The following PLCG1 variants were observed in gnomAD, a reference collection of about 807,000 sequenced individuals.
PLCG1 encodes the protein 1-phosphatidylinositol 4,5-bisphosphate phosphodiesterase gamma-1.
Under a neutral mutation model 177.8 loss-of-function variants are expected in PLCG1, and 71 were observed. That is an observed-to-expected ratio of 0.40 (90% confidence interval 0.33 to 0.49). The LOEUF (loss-of-function observed/expected upper bound fraction) is 0.49, where lower values mean the gene tolerates loss of function less well. Ranked by LOEUF, PLCG1 falls within the 20% of genes least tolerant of loss-of-function variation. PLCG1 has a pLI of 0.72. For synonymous variants in PLCG1, 658 were observed against 647.9 expected (o/e 1.02, Z -0.24); for missense variants, 1,281 against 1,709.0 (o/e 0.75, Z 4.42).
rs899704608 is a variant in PLCG1, at chr20:41,147,479, C to T, written c.217+9621C>T. On this transcript the variant is annotated intron_variant, in intron 1 of 31. Transcript: ENST00000685551. This position sits in a 1 kb window ranked among gnomAD's most constrained non-coding sequence, Gnocchi z 4.0. ...AAGCAGCTGTCCTAAGCAGGTAAAACGATAGGTTATTCAACTTCAACTTCA... is the reference window on the plus strand; with the variant it reads ...AAGCAGCTGTCCTAAGCAGGTAAAATGATAGGTTATTCAACTTCAACTTCA... Among the ~76,000 whole-genome samples the T allele has an allele frequency of 2.0e-5, 3 of 152,204 alleles. No individual in the cohort carries two copies. Among genetic ancestry groups the T allele is most frequent in the Non-Finnish European group, 2.9e-5 (2 of 68,036 alleles).
chr20:41,168,237 G>C (rs1213623560), intron 20 of PLCG1, among the ~76,000 whole-genome samples: 2 of 152,154 alleles, frequency 1.3e-5, no homozygotes, highest in African/African-American at 4.8e-5. Flanking sequence ...CTCATTCCCC[G>C]GCCTCATGGA....
At position 41,174,433 on chromosome 20, in the gene PLCG1, C is replaced by T. The variant is rs369596707; in HGVS notation, c.3834-34C>T. On this transcript the variant is annotated intron_variant, in intron 31 of 31. Coordinates refer to ENST00000685551, the MANE Select transcript of PLCG1 (RefSeq NM_002660.3). This position sits in a 1 kb window ranked among gnomAD's most constrained non-coding sequence, Gnocchi z 5.8. ...TCTGGCATTGGGCTGCAAGGCCCTG[C>T]CTGCCAGTAAGGACACTCTTCCCTT... The T allele has an allele frequency of 2.3e-5, 36 of 1,591,824 alleles. No homozygotes were observed. The highest frequency in any genetic ancestry group is 1.7e-4 in the Middle Eastern group (1 of 6,052).
Position 41,166,486 on chromosome 20 carries a change from G to T in PLCG1, c.2011G>T (p.Ala671Ser), listed in dbSNP as rs367912334. 3.1e-6 allele frequency: 5 copies of T among 1,614,060 alleles called. No individual in the cohort carries two copies. The highest frequency in any genetic ancestry group is 1.6e-4 in the Middle Eastern group (1 of 6,062). ...TCTGCCTGTTCTCAGGTGGTACCAC[G>T]CGAGCCTGACCAGAGCACAGGCTGA... Reference protein sequence around the residue: ...NAHESKEWYHASLTRAQAEHM... With the variant: ...NAHESKEWYHSSLTRAQAEHM... Residue 671 changes from alanine (A) to serine (S), a missense_variant, in exon 18 of 32, where the codon GCG becomes TCG. Physicochemically the swap from Ala to Ser is moderately conservative, Grantham distance 99. Coordinates refer to ENST00000685551, the MANE Select transcript of PLCG1 (RefSeq NM_002660.3). The surrounding 1 kb of genome is among the most constrained non-coding windows in gnomAD (Gnocchi z 8.6).
In PLCG1 at chr20:41,165,108, TG is replaced by T; in HGVS notation, c.1386+9del. On this transcript the variant is annotated splice_region_variant and intron_variant, in intron 13 of 31. Transcript: ENST00000685551. The surrounding 1 kb of genome is among the most constrained non-coding windows in gnomAD (Gnocchi z 6.6). Reference sequence around the variant, plus strand: ...GAGGAAGATCCTCATCAAGGTGGGGTGGCGGGCTTATTGCGGAAGCCCCACA... The same window carrying T: ...GAGGAAGATCCTCATCAAGGTGGGGTGCGGGCTTATTGCGGAAGCCCCACA... The T allele has an allele frequency of 6.2e-7, 1 of 1,610,438 alleles. No homozygotes were observed. Among genetic ancestry groups the T allele is most frequent in the Non-Finnish European group, 8.5e-7 (1 of 1,177,492 alleles).
chr20:41,170,452 G>A (rs2035861571), intron 24 of PLCG1, 183 bp downstream of exon 24: 2 of 626,066 alleles, frequency 3.2e-6, no homozygotes, highest in East Asian at 2.8e-5. Flanking sequence ...GCAATGTGGT[G>A]TGTTTAGGTT....
In PLCG1 at chr20:41,169,088, G is replaced by A. The variant is rs770356603; in HGVS notation, c.2493G>A (p.Gly831=). 1 of 1,613,552 alleles carries A rather than the reference G, an allele frequency of 6.2e-7. No homozygotes were observed. ...CCTGTGGCTCCCACAGGTGGCGAGG[G>A]GACTACGGAGGGAAGAAGCAGCTGT... ...VEKQEGGWWR[G]DYGGKKQLWF... Residue 831 remains glycine, a synonymous_variant, in exon 22 of 32, where the codon GGG becomes GGA. Transcript: ENST00000685551.
At chr20:41,162,907 C>T in intron 6 of PLCG1, 51 bp from the exon 7 acceptor site, 4 of 1,572,734 alleles carry the variant, frequency 2.5e-6, no homozygotes, top group Non-Finnish European at 3.5e-6. Flanking sequence ...TAGCCCATTT[C>T]CCACATGGCC....
rs1040229567 is a variant in PLCG1, at chr20:41,146,888, C to G, written c.217+9030C>G. Among the ~76,000 whole-genome samples the G allele has an allele frequency of 6.6e-6, 1 of 152,140 alleles. No homozygotes were observed. Among genetic ancestry groups the G allele is most frequent in the Non-Finnish European group, 1.5e-5 (1 of 68,024 alleles). On this transcript the variant is annotated intron_variant, in intron 1 of 31. Transcript: ENST00000685551. The surrounding 1 kb of genome is among the most constrained non-coding windows in gnomAD (Gnocchi z 6.3). ...GTGTGGGCCTGAGTTCACAGGGTGACTAACCCTAGGAAGGAGTGAAGGAGA... is the reference window on the plus strand; with the variant it reads ...GTGTGGGCCTGAGTTCACAGGGTGAGTAACCCTAGGAAGGAGTGAAGGAGA...
chr20:41,173,159 T>G lies in PLCG1; in HGVS notation c.3280-261T>G, dbSNP rs754618533. Among the ~76,000 whole-genome samples the G allele has an allele frequency of 4.6e-5, 7 of 152,182 alleles. No individual in the cohort carries two copies. The highest frequency in any genetic ancestry group is 1.0e-4 in the Non-Finnish European group (7 of 68,030). ...CATTTAAAAGATTTCTGTGTTAAAA[T>G]AGTAATGGATTTAACATGAAGTAGA... On this transcript the variant is annotated intron_variant, in intron 27 of 31. Coordinates refer to ENST00000685551, the MANE Select transcript of PLCG1 (RefSeq NM_002660.3). This position sits in a 1 kb window ranked among gnomAD's most constrained non-coding sequence, Gnocchi z 6.2.
chr20:41,140,595 C>T (rs1335580885), intron 1 of PLCG1, among the ~76,000 whole-genome samples: 1 of 152,156 alleles, frequency 6.6e-6, no homozygotes, highest in Admixed American at 6.5e-5. Context: ...TGCCCTGACT[C>T]TGTGCCCTCT....
chr20:41,165,184 T>G lies in PLCG1; in HGVS notation c.1387-61T>G. Reference sequence around the variant, plus strand: ...TGGCTTCAGCTGTTGGGCCTAAACCTGGGTGAGGAGGTGGGGTGAGGACTG... The same window carrying G: ...TGGCTTCAGCTGTTGGGCCTAAACCGGGGTGAGGAGGTGGGGTGAGGACTG... On this transcript the variant is annotated intron_variant, in intron 13 of 31. Transcript: ENST00000685551. The surrounding 1 kb of genome is among the most constrained non-coding windows in gnomAD (Gnocchi z 6.6). The G allele has an allele frequency of 1.9e-6, 3 of 1,606,998 alleles. No individual in the cohort carries two copies. In the South Asian group the frequency reaches 3.3e-5, roughly 18 times the overall value.
intron 1 of PLCG1, among the ~76,000 whole-genome samples, chr20:41,139,128 TG>T (rs1222975893): frequency 6.6e-6 from 1 of 152,114 alleles, no homozygotes; most frequent in Non-Finnish European, 1.5e-5. Context: ...GGTCTTGTGG[TG>T]AGGCAGCCAA....
At position 41,166,979 on chromosome 20, in the gene PLCG1, C is replaced by T. The variant is rs1197710398; in HGVS notation, c.2301+120C>T. 3.2e-6 allele frequency: 3 copies of T among 927,436 alleles called. No homozygotes were observed. The East Asian group carries it at 7.3e-5, about 23-fold the overall frequency. The allele number at this position is 927,436 out of a possible 1,614,324, so 57.5% of individuals were successfully genotyped here. A position where few individuals can be genotyped will look rare whatever the true frequency, so the allele number is the denominator to read the frequency against. On this transcript the variant is annotated intron_variant, in intron 19 of 31. Coordinates refer to ENST00000685551, the MANE Select transcript of PLCG1 (RefSeq NM_002660.3). This position sits in a 1 kb window ranked among gnomAD's most constrained non-coding sequence, Gnocchi z 8.6. ...GTGTTGTAGAAGTTCGTGGGAGGGCCCCTGACTCCAGCTGGGAGCCACAGT... is the reference window on the plus strand; with the variant it reads ...GTGTTGTAGAAGTTCGTGGGAGGGCTCCTGACTCCAGCTGGGAGCCACAGT...
rs181155414 is a variant in PLCG1 at position 41,146,831 on chromosome 20, C to T, written c.217+8973C>T. On this transcript the variant is annotated intron_variant, in intron 1 of 31. Coordinates refer to ENST00000685551, the MANE Select transcript of PLCG1 (RefSeq NM_002660.3). This position sits in a 1 kb window ranked among gnomAD's most constrained non-coding sequence, Gnocchi z 6.3. ...TGGATGTGTGGTGGGAGAATTCCAA[C>T]CCCACCTTGACTTCAGCCTAAGGCC... is the stretch of plus-strand genomic sequence containing the variant. Among the ~76,000 whole-genome samples the T allele has an allele frequency of 2.0e-5, 3 of 152,196 alleles. No homozygotes were observed. Among genetic ancestry groups the T allele is most frequent in the Non-Finnish European group, 4.4e-5 (3 of 67,996 alleles).
chr20:41,158,265 G>A (rs993985780), intron 1 of PLCG1, among the ~76,000 whole-genome samples: 2 of 152,144 alleles, frequency 1.3e-5, no homozygotes, highest in African/African-American at 2.4e-5. Flanking sequence ...GGGCTGGAAG[G>A]GCTCCTGGGG....
rs1318861304 is a variant in PLCG1, at chr20:41,177,079, C to G, written c.*2570C>G. The G allele has an allele frequency of 6.6e-6, 1 of 152,220 alleles. No individual in the cohort carries two copies. The highest frequency in any genetic ancestry group is 1.5e-5 in the Non-Finnish European group (1 of 68,052). The allele number at this position is 152,220 out of a possible 1,614,324, so 9.4% of individuals were successfully genotyped here. A position where few individuals can be genotyped will look rare whatever the true frequency, so the allele number is the denominator to read the frequency against. On this transcript the variant is annotated 3_prime_UTR_variant, in exon 32 of 32. Transcript: ENST00000685551. Reference sequence around the variant, plus strand: ...TTGAAAAACCCTGATTTTGGCAGCACAAACCAAAAGAGCAGGCAGGGCCGG... The same window carrying G: ...TTGAAAAACCCTGATTTTGGCAGCAGAAACCAAAAGAGCAGGCAGGGCCGG...
intron 1 of PLCG1, among the ~76,000 whole-genome samples, chr20:41,158,201 G>GAGGAAGA (rs1430703844): frequency 7.9e-5 from 12 of 152,134 alleles, no homozygotes; most frequent in Non-Finnish European, 1.3e-4. Context: ...CAGGAAGAGA[G>GAGGAAGA]CATCTGGGGG....
intron 21 of PLCG1, 81 bp from the exon 22 acceptor site, chr20:41,168,998 A>C: frequency 8.0e-7 from 1 of 1,255,224 alleles, no homozygotes; most frequent in Non-Finnish European, 1.2e-6. Flanking sequence ...TGGCTTAGGC[A>C]TGGGAACCCC....
rs1349102137 is a variant in PLCG1 at position 41,166,580 on chromosome 20, AT to A, written c.2106del (p.Tyr702Ter). The A allele has an allele frequency of 6.2e-7, 1 of 1,614,156 alleles. No homozygotes were observed. The highest frequency in any genetic ancestry group is 8.5e-7 in the Non-Finnish European group (1 of 1,180,022). On this transcript the variant is annotated frameshift_variant, in exon 18 of 32. Transcript: ENST00000685551. LOFTEE classifies it high-confidence loss of function. The surrounding 1 kb of genome is among the most constrained non-coding windows in gnomAD (Gnocchi z 8.6). ...CGGAAGCGGAATGAACCCAACTCAT[AT>A]GCCATCTCTTTCCGGTGAGGGGTGT... ...LVRKRNEPNS[Y>X]AISFRAEGKI...
Sources: allele counts gnomAD v4.1 joint callset (sites outside exome capture counted in the v4.1 genomes callset), GRCh38; gene constraint gnomAD v4.1.1; non-coding constraint Gnocchi (gnomAD v3.1); transcripts MANE v1.5; gene names NCBI Gene and HGNC (gene_info 2026-07-23, HGNC 2026-07-21).